Variants in L3MBTL2 observed in about 807,000 individuals in gnomAD.
L3MBTL2 encodes lethal(3)malignant brain tumor-like protein 2.
In L3MBTL2, 49 loss-of-function variants were observed where a neutral mutation model predicts 86.4. That is an observed-to-expected ratio of 0.57 (90% CI 0.45 to 0.72). L3MBTL2 has a LOEUF of 0.72. L3MBTL2 is among the 30% of genes least tolerant of loss of function. The probability of loss-of-function intolerance (pLI) is 0.00; values close to 1 mark genes in which losing one functional copy is unlikely to be tolerated. For missense variants in L3MBTL2, 755 were observed against 923.7 expected, an observed-to-expected ratio of 0.82 and a Z score of 2.37; for synonymous variants, 336 against 350.6, an observed-to-expected ratio of 0.96 and a Z score of 0.47.
rs745438094 is a variant in L3MBTL2 at position 41,209,851 on chromosome 22, A to G, written c.180A>G (p.Glu60=). The G allele has an allele frequency of 1.2e-6, 2 of 1,614,198 alleles. No individual in the cohort carries two copies. Among genetic ancestry groups the G allele is most frequent in the South Asian group, 2.2e-5 (2 of 91,080 alleles). The change falls in exon 2 of 17, where the codon GAA becomes GAG. Residue 60 remains glutamate (E), a synonymous_variant. Transcript: ENST00000216237. ...ESSEAENEDR[E]AGELPTSPLH... ...GTGAAGCAGAAAATGAGGATCGGGA[A>G]GCAGGGGAACTGCCGACCTCCCCGC...
At chr22:41,208,079 G>A (rs769721486) in intron 1 of L3MBTL2, among the ~76,000 whole-genome samples, 1 of 151,752 alleles carries the variant, frequency 6.6e-6, no homozygotes, top group African/African-American at 2.4e-5. Context: ...TGATCCGCCC[G>A]CCTCGGTCAC....
At chr22:41,210,145 T>A in intron 2 of L3MBTL2, 17 of 206,374 alleles carry the variant, frequency 8.2e-5, no homozygotes, top group Middle Eastern at 1.8e-3. Context: ...TCTAATTTCT[T>A]TTTTTTTTTT....
At chr22:41,216,794 C>A (rs1455725774) in intron 4 of L3MBTL2, among the ~76,000 whole-genome samples, 2 of 152,172 alleles carry the variant, frequency 1.3e-5, no homozygotes, top group Non-Finnish European at 2.9e-5. Flanking sequence ...TGGGTGTGGC[C>A]AATCAGGTTC....
At chr22:41,220,901 C>T (rs760942488) in intron 7 of L3MBTL2, 33 bp downstream of exon 7, 5 of 1,597,250 alleles carry the variant, frequency 3.1e-6, no homozygotes, top group Non-Finnish European at 8.6e-7. Flanking sequence ...TCTCTTGTTC[C>T]CGTAGGGCCC....
chr22:41,220,595 T>C, intron 6 of L3MBTL2, 139 bp from the exon 7 acceptor site: 1 of 796,234 alleles, frequency 1.3e-6, no homozygotes, highest in Non-Finnish European at 1.9e-6. Context: ...GAGGTGGAGC[T>C]TGCAGTGAGC....
chr22:41,205,822 T>C (rs2030167583), intron 1 of L3MBTL2, among the ~76,000 whole-genome samples: 1 of 152,178 alleles, frequency 6.6e-6, no homozygotes, highest in Non-Finnish European at 1.5e-5. Context: ...TCATGTATTA[T>C]TCTTTCGTCT....
chr22:41,217,534 A>C (rs1048643016), intron 5 of L3MBTL2: 1 of 267,340 alleles, frequency 3.7e-6, no homozygotes, highest in Non-Finnish European at 7.3e-6. Flanking sequence ...CATGGAAAGC[A>C]GGGTGCTTCT....
chr22:41,224,750 C>A lies in L3MBTL2; in HGVS notation c.1200C>A (p.His400Gln). The A allele has an allele frequency of 6.2e-7, 1 of 1,613,864 alleles. No homozygotes were observed. The highest frequency in any genetic ancestry group is 8.5e-7 in the Non-Finnish European group (1 of 1,179,736). The change falls in exon 10 of 17, where the codon CAC (histidine) becomes CAA (glutamine). Residue 400 changes from histidine (H) to glutamine (Q), a missense_variant. His to Gln is a conservative substitution (Grantham distance 24). Coordinates refer to ENST00000216237, the MANE Select transcript of L3MBTL2 (RefSeq NM_031488.5). This position sits in a 1 kb window ranked among gnomAD's most constrained non-coding sequence, Gnocchi z 4.9. The stretch of plus-strand genomic sequence containing the variant: ...AGAGGCGAAGTGACATGGCCCATCA[C>A]CCCACCTTCCGGAAGATCTACTGTG... ...MSERRSDMAH[H>Q]PTFRKIYCDA... is the part of the protein sequence containing the mutation.
In L3MBTL2 at chr22:41,220,732, A is replaced by C; in HGVS notation, c.719-2A>C. ...CACAGGTGCCCTTTCCTTTCCTTTC[A>C]GGGTATCGGGTGCTGCTTCGGTATG... On this transcript the variant is annotated splice_acceptor_variant, in intron 6 of 16. Coordinates refer to ENST00000216237, the MANE Select transcript of L3MBTL2 (RefSeq NM_031488.5). LOFTEE classifies it high-confidence loss of function. The C allele has an allele frequency of 6.2e-7, 1 of 1,609,224 alleles. No individual in the cohort carries two copies. Among genetic ancestry groups the C allele is most frequent in the Non-Finnish European group, 8.5e-7 (1 of 1,176,960 alleles).
chr22:41,209,153 G>C (rs1041049719), intron 1 of L3MBTL2: 2 of 154,110 alleles, frequency 1.3e-5, no homozygotes, highest in African/African-American at 4.9e-5. Context: ...ACGCAGACTG[G>C]AGTGCAGTGG....
At chr22:41,222,066 C>T (rs768234348) in intron 8 of L3MBTL2, among the ~76,000 whole-genome samples, 9 of 151,848 alleles carry the variant, frequency 5.9e-5, no homozygotes, top group Non-Finnish European at 1.2e-4. Context: ...CCATACTTGG[C>T]TAATTTTTGT....
In L3MBTL2 at chr22:41,230,633, CAG is replaced by C. The variant is rs1333376991; in HGVS notation, c.*383_*384del. On this transcript the variant is annotated 3_prime_UTR_variant, in exon 17 of 17. Transcript: ENST00000216237. Reference sequence around the variant, plus strand: ...CACTGTCACACTGTGGAATACAAGACAGTGAACTCTGTCTGCCTGAACGAGCC... The same window carrying C: ...CACTGTCACACTGTGGAATACAAGACTGAACTCTGTCTGCCTGAACGAGCC... 1 of 227,368 alleles carries C rather than the reference CAG, an allele frequency of 4.4e-6. No individual in the cohort carries two copies. The highest frequency in any genetic ancestry group is 2.3e-5 in the African/African-American group (1 of 43,314). The allele number at this position is 227,368 out of a possible 1,614,324, so 14.1% of individuals were successfully genotyped here.
At chr22:41,208,047 G>T (rs1336647112) in intron 1 of L3MBTL2, among the ~76,000 whole-genome samples, 2 of 151,956 alleles carry the variant, frequency 1.3e-5, no homozygotes, top group Non-Finnish European at 2.9e-5. Context: ...GGCCAGGATG[G>T]TCTTGAACTC....
At chr22:41,226,946 GT>G (rs1569151975) in intron 13 of L3MBTL2, 142 bp from the exon 14 acceptor site, 1 of 773,782 alleles carries the variant, frequency 1.3e-6, no homozygotes, top group Non-Finnish European at 2.1e-6. Flanking sequence ...GGTGCAGTGG[GT>G]TATTGTCTAG....
At chr22:41,205,727 G>A (rs966846290) in intron 1 of L3MBTL2, among the ~76,000 whole-genome samples, 6 of 152,098 alleles carry the variant, frequency 3.9e-5, no homozygotes, top group African/African-American at 1.4e-4. Flanking sequence ...CATGAGGTGG[G>A]AAGTGAAGGG....
Position 41,213,859 on chromosome 22 carries a change from A to G in L3MBTL2, c.263-34A>G, listed in dbSNP as rs2031122624. 8 of 1,612,198 alleles carry G rather than the reference A, an allele frequency of 5.0e-6. No homozygotes were observed. The African/African-American group carries it at 1.1e-4, about 22-fold the overall frequency. ...ACTTTGTTTGCTTTGAGGTGGTCAT[A>G]TCGGGTGAGTCATGTGCTAAGTTCT... On this transcript the variant is annotated intron_variant, in intron 2 of 16. Transcript: ENST00000216237.
chr22:41,219,403 T>C lies in L3MBTL2; in HGVS notation c.601-16T>C, dbSNP rs769248688. 2 of 1,582,596 alleles carry C rather than the reference T, an allele frequency of 1.3e-6. No homozygotes were observed. The highest frequency in any genetic ancestry group is 1.7e-6 in the Non-Finnish European group (2 of 1,151,678). On this transcript the variant is annotated splice_polypyrimidine_tract_variant and intron_variant, in intron 5 of 16. Coordinates refer to ENST00000216237, the MANE Select transcript of L3MBTL2 (RefSeq NM_031488.5). ...CAGTTAGCTCACTCTCTCGGTACAC[T>C]CTCATCGCCACACAGGTCCCACTCT...
intron 15 of L3MBTL2, chr22:41,228,230 A>C: frequency 2.0e-6 from 2 of 985,446 alleles, no homozygotes; most frequent in Non-Finnish European, 2.4e-6. Context: ...AGGAAAAGCC[A>C]CAGGAAGAAA....
intron 15 of L3MBTL2, chr22:41,228,563 T>C: frequency 1.0e-6 from 1 of 981,700 alleles, no homozygotes; most frequent in Non-Finnish European, 1.2e-6. Context: ...TAAGATTGAG[T>C]GAGGCGGCCA....
Sources: gnomAD v4.1 joint callset for allele counts (sites outside exome capture counted in the v4.1 genomes callset) on GRCh38, gnomAD v4.1.1 for gene constraint, Gnocchi (gnomAD v3.1) non-coding constraint, MANE v1.5 for transcripts, NCBI Gene and HGNC (gene_info 2026-07-23, HGNC 2026-07-21) for gene names.